The following BNC2 variants were observed in gnomAD, a reference collection of about 807,000 sequenced individuals.
BNC2 encodes basonuclin zinc finger protein 2, also known as zinc finger protein basonuclin-2.
A neutral mutation model predicts 76.3 loss-of-function variants in BNC2; 20 were observed. The observed-to-expected ratio is 0.26, with a 90% CI of 0.18 to 0.38. The LOEUF (loss-of-function observed/expected upper bound fraction) is 0.38, where lower values mean the gene tolerates loss of function less well. Ranked by LOEUF, BNC2 falls within the 10% of genes least tolerant of loss-of-function variation. The pLI is 1.00. For synonymous variants in BNC2, 582 were observed against 514.8 expected (o/e 1.13, Z -1.77); for missense variants, 1,382 against 1,399.8 (o/e 0.99, Z 0.20).
chr9:16,604,744 A>G (rs1038028501), intron 3 of BNC2, among the ~76,000 whole-genome samples: 1 of 152,188 alleles, frequency 6.6e-6, no homozygotes, highest in African/African-American at 2.4e-5. Flanking sequence ...ATGAGGTTGC[A>G]GTGAGCCGAG....
chr9:16,565,806 CAAA>C (rs567073225), intron 4 of BNC2, among the ~76,000 whole-genome samples: 2 of 120,870 alleles, frequency 1.7e-5, no homozygotes. Context: ...AGCCCCATCT[CAAA>C]AAAAAAAAAA....
intron 5 of BNC2, among the ~76,000 whole-genome samples, chr9:16,513,917 G>A (rs1234401108): frequency 1.3e-5 from 2 of 152,108 alleles, no homozygotes; most frequent in Non-Finnish European, 2.9e-5. Context: ...TCCACCCTAC[G>A]CTCGTGTTTA....
chr9:16,735,697 C>T (rs1824646382), intron 2 of BNC2, among the ~76,000 whole-genome samples: 1 of 151,706 alleles, frequency 6.6e-6, no homozygotes, highest in Admixed American at 6.6e-5. Context: ...GGGGTTTCAC[C>T]AAACCCTGAC....
intron 1 of BNC2, among the ~76,000 whole-genome samples, chr9:16,774,493 T>C (rs1192053504): frequency 1.3e-5 from 2 of 152,240 alleles, no homozygotes; most frequent in African/African-American, 4.8e-5. Context: ...GCTTGTGCTG[T>C]AGCTCAGGCT....
intron 4 of BNC2, among the ~76,000 whole-genome samples, chr9:16,561,307 C>A (rs1819007833): frequency 1.3e-5 from 2 of 151,906 alleles, no homozygotes. Flanking sequence ...TATGCCCCCA[C>A]TCACATACCA....
At chr9:16,742,009 T>C (rs536540217) in intron 1 of BNC2, among the ~76,000 whole-genome samples, 3 of 136,646 alleles carry the variant, frequency 2.2e-5, no homozygotes, top group Non-Finnish European at 3.2e-5. Context: ...TGATGGGCAA[T>C]AGTATGATAT....
chr9:16,707,356 C>T (rs1001141714), intron 3 of BNC2, among the ~76,000 whole-genome samples: 1 of 152,004 alleles, frequency 6.6e-6, no homozygotes, highest in African/African-American at 2.4e-5. Flanking sequence ...CAAGTGATGC[C>T]GTGAGATTAA....
chr9:16,862,008 GAC>G (rs1819422804), intron 1 of BNC2, among the ~76,000 whole-genome samples: 1 of 148,726 alleles, frequency 6.7e-6, no homozygotes, highest in Admixed American at 6.7e-5. Flanking sequence ...AAAAAAAAAA[GAC>G]ACATAACAAG....
At chr9:16,740,012 CAA>C (rs566166641) in intron 1 of BNC2, among the ~76,000 whole-genome samples, 75 of 152,142 alleles carry the variant, frequency 4.9e-4, no homozygotes, top group Admixed American at 6.5e-4. Context: ...AGACCTGAAA[CAA>C]GAGATAAAAC....
chr9:16,605,471 C>T (rs879299702), intron 3 of BNC2, among the ~76,000 whole-genome samples: 7 of 152,326 alleles, frequency 4.6e-5, no homozygotes, highest in South Asian at 2.1e-4. Context: ...CCAGGACTTC[C>T]GATCAACTTC....
intron 3 of BNC2, among the ~76,000 whole-genome samples, chr9:16,677,470 GGCTGAGGCAGGAGAATTGCTT>G (rs1822680104): frequency 6.6e-6 from 1 of 152,056 alleles, no homozygotes; most frequent in South Asian, 2.1e-4. Context: ...CTACTCGGGA[GGCTGAGGCAGGAGAATTGCTT>G]GGACCTCGGA....
intron 1 of BNC2, among the ~76,000 whole-genome samples, chr9:16,758,776 T>C (rs1320781040): frequency 6.6e-6 from 1 of 152,206 alleles, no homozygotes; most frequent in African/African-American, 2.4e-5. Context: ...TTTCTAATTA[T>C]CTGGTATTTA....
At chr9:16,573,905 T>C (rs999443781) in intron 4 of BNC2, among the ~76,000 whole-genome samples, 2 of 152,160 alleles carry the variant, frequency 1.3e-5, no homozygotes, top group African/African-American at 4.8e-5. Context: ...ATAAACAACA[T>C]TTTAGGGCTC....
chr9:16,804,324 CATT>C (rs1457423385), intron 1 of BNC2, among the ~76,000 whole-genome samples: 1 of 152,214 alleles, frequency 6.6e-6, no homozygotes, highest in Non-Finnish European at 1.5e-5. Context: ...TAAGTACTAT[CATT>C]GTCTCCAAAT....
rs1818702193 is a variant in BNC2 at position 16,552,671 on chromosome 9, G to A, written c.528C>T (p.Leu176=). 1.9e-6 allele frequency: 3 copies of A among 1,614,178 alleles called. No homozygotes were observed. The highest frequency in any genetic ancestry group is 1.7e-6 in the Non-Finnish European group (2 of 1,180,030). The change falls in exon 5 of 7, where the codon CTC becomes CTT. Residue 176 remains leucine (L), a synonymous_variant. Coordinates refer to ENST00000380672, the MANE Select transcript of BNC2 (RefSeq NM_017637.6). ...GCACAGGCACTGCTTGTGTCCCATA[G>A]AGCATCAGGCTGCTGATGTCAAACA... ...NVVFDISSLM[L]YGTQAVPVRL...
At chr9:16,825,989 C>T (rs1434589882) in intron 1 of BNC2, among the ~76,000 whole-genome samples, 1 of 152,092 alleles carries the variant, frequency 6.6e-6, no homozygotes, top group Non-Finnish European at 1.5e-5. Flanking sequence ...GCAGGTGACA[C>T]TGGTCTGTTC....
intron 5 of BNC2, among the ~76,000 whole-genome samples, chr9:16,459,850 A>G (rs1821536675): frequency 6.6e-6 from 1 of 152,240 alleles, no homozygotes; most frequent in African/African-American, 2.4e-5. Flanking sequence ...TCATGTATAT[A>G]AACCACAGAT....
chr9:16,446,672 T>C (rs898714024), intron 5 of BNC2, among the ~76,000 whole-genome samples: 2 of 152,140 alleles, frequency 1.3e-5, no homozygotes, highest in Non-Finnish European at 2.9e-5. Context: ...AAATTTACTG[T>C]TACAGAATGT....
intron 5 of BNC2, among the ~76,000 whole-genome samples, chr9:16,491,834 C>T (rs1022503746): frequency 7.9e-5 from 12 of 152,184 alleles, no homozygotes; most frequent in South Asian, 4.1e-4. Context: ...TGTATGCTTA[C>T]GCTACCAGAT....
Sources: allele counts gnomAD v4.1 joint callset (sites outside exome capture counted in the v4.1 genomes callset), GRCh38; gene constraint gnomAD v4.1.1; transcripts MANE v1.5; gene names NCBI Gene and HGNC (gene_info 2026-07-23, HGNC 2026-07-21).